The following LPXN variants were observed in gnomAD, a reference collection of about 807,000 sequenced individuals.
LPXN encodes the protein leupaxin.
LPXN carries 28 observed loss-of-function variants against 45.6 expected under a neutral mutation model. The observed-to-expected ratio is 0.61, with a 90% CI of 0.45 to 0.84. LPXN has a LOEUF of 0.84. Among genes scored for constraint, LPXN ranks in the 40% least tolerant of loss-of-function variants. The probability of loss-of-function intolerance (pLI) is 0.00; values close to 1 mark genes in which losing one functional copy is unlikely to be tolerated. For missense variants in LPXN, 459 were observed against 475.0 expected, an observed-to-expected ratio of 0.97 and a Z score of 0.31; for synonymous variants, 166 against 169.9, an observed-to-expected ratio of 0.98 and a Z score of 0.18.
intron 3 of LPXN, among the ~76,000 whole-genome samples, 159 bp downstream of exon 3, chr11:58,563,996 C>T (rs1854455337): frequency 6.6e-6 from 1 of 152,190 alleles, no homozygotes; most frequent in Non-Finnish European, 1.5e-5. Context: ...AAGTCAGCTT[C>T]ACAGAATTCT....
intron 4 of LPXN, among the ~76,000 whole-genome samples, chr11:58,554,442 GCCAGTTCTTCAGAGT>G (rs1210552726): frequency 6.6e-6 from 1 of 152,068 alleles, no homozygotes; most frequent in African/African-American, 2.4e-5. Context: ...TCCAAACTCT[GCCAGTTCTTCAGAGT>G]CCATCCCAAG....
At position 58,570,609 on chromosome 11, in the gene LPXN, G is replaced by A. The variant is rs1854663049; in HGVS notation, c.118C>T (p.Leu40Phe). 1 of 1,613,670 alleles carries A rather than the reference G, an allele frequency of 6.2e-7. No individual in the cohort carries two copies. The highest frequency in any genetic ancestry group is 1.1e-5 in the South Asian group (1 of 91,054). ...GAAAGGATCTCCGAAGTCTCATCAA[G>A]GTTAGTCTCCTTTCTGGAATGCTGA... ...LDQHSRKETN[L>F]DETSEILSIQ... Residue 40 changes from leucine (L) to phenylalanine (F), a missense_variant, in exon 2 of 9, where the codon CTT becomes TTT. Transcript: ENST00000395074.
upstream of LPXN, chr11:58,578,254 G>A: frequency 1.8e-6 from 1 of 554,710 alleles, no homozygotes; most frequent in Non-Finnish European, 3.1e-6. Context: ...CGGAAACACT[G>A]CCTCCCGAAA....
At chr11:58,574,027 C>T (rs1374530372) in intron 1 of LPXN, among the ~76,000 whole-genome samples, 2 of 144,762 alleles carry the variant, frequency 1.4e-5, no homozygotes, top group Non-Finnish European at 3.0e-5. Flanking sequence ...AACCTGTCCT[C>T]GATGCCATTT....
intron 1 of LPXN, among the ~76,000 whole-genome samples, chr11:58,575,226 A>G (rs2134368052): frequency 6.6e-6 from 1 of 152,340 alleles, no homozygotes; most frequent in East Asian, 1.9e-4. Context: ...CAAAATCACT[A>G]GAGTTAGAGT....
At position 58,554,939 on chromosome 11, in the gene LPXN, C is replaced by T. The variant is rs751816716; in HGVS notation, c.220G>A (p.Glu74Lys). The change falls in exon 4 of 9, where the codon GAA (glutamate) becomes AAA (lysine). Residue 74 changes from glutamate (E) to lysine (K), a missense_variant and splice_region_variant. Transcript: ENST00000395074. Reference sequence around the variant, plus strand: ...GGTGATTCCTTTGGCTCTTGGGCTTCACTATAGAGGGAAAACAAAAAAGTC... The same window carrying T: ...GGTGATTCCTTTGGCTCTTGGGCTTTACTATAGAGGGAAAACAAAAAAGTC... The part of the protein sequence containing the change: ...TNIQELNVYS[E>K]AQEPKESPPP... The T allele has an allele frequency of 6.2e-6, 10 of 1,609,324 alleles. No homozygotes were observed. In the South Asian group the frequency reaches 1.1e-4, roughly 18 times the overall value.
chr11:58,578,501 G>C (rs560865262), upstream of LPXN, among the ~76,000 whole-genome samples: 1 of 152,194 alleles, frequency 6.6e-6, no homozygotes. Context: ...TTTTTTCAGA[G>C]ACTTTCATCC....
In LPXN at chr11:58,549,814, A is replaced by G. The variant is rs373653650; in HGVS notation, c.714T>C (p.Ser238=). ...QTWHPEHFFC[S]HCGEVFGAEG... is the part of the protein sequence containing the mutation. ...CTGCACCAAACACCTCTCCGCAGTGAGAGCAGAAGAAGTGCTCTGGGTGCC... is the reference window on the plus strand; with the variant it reads ...CTGCACCAAACACCTCTCCGCAGTGGGAGCAGAAGAAGTGCTCTGGGTGCC... Residue 238 remains serine, a synonymous_variant, in exon 7 of 9, where the codon TCT becomes TCC. Coordinates refer to ENST00000395074, the MANE Select transcript of LPXN (RefSeq NM_004811.3). 8 of 1,614,180 alleles carry G rather than the reference A, an allele frequency of 5.0e-6. No individual in the cohort carries two copies. The highest frequency in any genetic ancestry group is 5.1e-6 in the Non-Finnish European group (6 of 1,180,022).
At position 58,570,132 on chromosome 11, in the gene LPXN, G is replaced by A. The variant is rs530652878; in HGVS notation, c.171+424C>T. 1.2e-3 allele frequency among the ~76,000 whole-genome samples: 183 copies of A among 151,956 alleles called. No individual in the cohort carries two copies. The Middle Eastern group carries it at 0.014, about 11-fold the overall frequency. Reference sequence around the variant, plus strand: ...CAGCCTGGCCAACATGACAAAACCCGTCTCTACTAAAAATACAAAAATTAG... The same window carrying A: ...CAGCCTGGCCAACATGACAAAACCCATCTCTACTAAAAATACAAAAATTAG... On this transcript the variant is annotated intron_variant, in intron 2 of 8. Transcript: ENST00000395074.
Position 58,551,784 on chromosome 11 carries a change from A to C in LPXN, c.319-552T>G, listed in dbSNP as rs369757891. On this transcript the variant is annotated intron_variant, in intron 4 of 8. Coordinates refer to ENST00000395074, the MANE Select transcript of LPXN (RefSeq NM_004811.3). ...GGGACACAGCAAGATGGTAAGAAGA[A>C]TTGATTTAGATGGAGGTAATAATCA... Among the ~76,000 whole-genome samples the C allele has an allele frequency of 2.0e-4, 31 of 152,370 alleles. No individual in the cohort carries two copies. In the East Asian group the frequency reaches 3.7e-3, roughly 18 times the overall value.
chr11:58,544,995 T>C (rs569377323), intron 7 of LPXN, among the ~76,000 whole-genome samples: 25 of 152,288 alleles, frequency 1.6e-4, no homozygotes, highest in African/African-American at 5.8e-4. Flanking sequence ...AGAAACTCTT[T>C]GTGACTATCT....
chr11:58,552,164 G>C (rs183941430), intron 4 of LPXN, among the ~76,000 whole-genome samples: 2 of 152,180 alleles, frequency 1.3e-5, no homozygotes, highest in Non-Finnish European at 2.9e-5. Context: ...AAGCAAGAGT[G>C]AATACAGGGA....
At position 58,527,284 on chromosome 11, in the gene LPXN, G is replaced by C; in HGVS notation, c.*170C>G. 3 of 632,756 alleles carry C rather than the reference G, an allele frequency of 4.7e-6. No homozygotes were observed. Among genetic ancestry groups the C allele is most frequent in the Admixed American group, 5.9e-5 (2 of 33,892 alleles). The allele number at this position is 632,756 out of a possible 1,614,324, so 39.2% of individuals were successfully genotyped here. The stretch of plus-strand genomic sequence containing the variant: ...AACTGTATAGAAGCCTAAAAAATAA[G>C]ATTATCAGCCTAGTCATGTAAAGTC... On this transcript the variant is annotated 3_prime_UTR_variant, in exon 9 of 9. Transcript: ENST00000395074.
chr11:58,533,168 A>G (rs556607122), intron 7 of LPXN, among the ~76,000 whole-genome samples: 2 of 152,340 alleles, frequency 1.3e-5, no homozygotes, highest in African/African-American at 4.8e-5. Flanking sequence ...TAAGAACTGT[A>G]ACACTCACCG....
At chr11:58,555,832 T>C (rs1177257709) in intron 3 of LPXN, among the ~76,000 whole-genome samples, 1 of 150,852 alleles carries the variant, frequency 6.6e-6, no homozygotes, top group Non-Finnish European at 1.5e-5. Context: ...GAGAAGAAAA[T>C]ATATAAATAG....
chr11:58,557,829 A>G (rs1370451222), intron 3 of LPXN, among the ~76,000 whole-genome samples: 1 of 152,216 alleles, frequency 6.6e-6, no homozygotes, highest in East Asian at 1.9e-4. Flanking sequence ...TGTACACCTT[A>G]AATATGCACA....
chr11:58,527,727 G>A lies in LPXN; in HGVS notation c.892-4C>T, dbSNP rs781390655. The A allele has an allele frequency of 1.2e-6, 2 of 1,612,172 alleles. No individual in the cohort carries two copies. Among genetic ancestry groups the A allele is most frequent in the East Asian group, 4.5e-5 (2 of 44,832 alleles). ...TAGAAAAACTGGTGAAGCAGTCCTG[G>A]GGTAGAGAGAAGAGAGAGAAAAAGA... On this transcript the variant is annotated splice_region_variant and splice_polypyrimidine_tract_variant and intron_variant, in intron 8 of 8. Coordinates refer to ENST00000395074, the MANE Select transcript of LPXN (RefSeq NM_004811.3).
At chr11:58,573,028 C>T (rs181541169) in intron 1 of LPXN, among the ~76,000 whole-genome samples, 222 of 152,130 alleles carry the variant, frequency 1.5e-3, no homozygotes, top group African/African-American at 5.0e-3. Context: ...GGCGGATCGC[C>T]TGAGGTTGGG....
intron 1 of LPXN, among the ~76,000 whole-genome samples, chr11:58,571,802 A>G (rs1175461964): frequency 6.6e-6 from 1 of 152,176 alleles, no homozygotes; most frequent in Non-Finnish European, 1.5e-5. Flanking sequence ...TAACACTTTG[A>G]GGCAGATGAT....
Sources: gnomAD v4.1 joint callset for allele counts (sites outside exome capture counted in the v4.1 genomes callset) on GRCh38, gnomAD v4.1.1 for gene constraint, MANE v1.5 for transcripts, NCBI Gene and HGNC (gene_info 2026-07-23, HGNC 2026-07-21) for gene names.